RAB31: variants seen among roughly 807,000 people sequenced by gnomAD.
RAB31 encodes ras-related protein Rab-31.
RAB31 carries 21 observed loss-of-function variants against 25.6 expected under a neutral mutation model. The observed-to-expected ratio is 0.82, with a 90% CI of 0.58 to 1.18. RAB31 has a LOEUF of 1.18. Among genes scored for constraint, RAB31 ranks in the 50% most tolerant of loss-of-function variants. RAB31 has a pLI of 0.00. For synonymous variants in RAB31, 87 were observed against 84.0 expected, an observed-to-expected ratio of 1.04 and a Z score of -0.20; for missense variants, 196 against 250.1, an observed-to-expected ratio of 0.78 and a Z score of 1.46.
At chr18:9,738,293 A>G (rs531816118) in intron 1 of RAB31, among the ~76,000 whole-genome samples, 1 of 152,208 alleles carries the variant, frequency 6.6e-6, no homozygotes, top group South Asian at 2.1e-4. Flanking sequence ...CTCATGATGG[A>G]CTGATAGCTG....
intron 3 of RAB31, among the ~76,000 whole-genome samples, chr18:9,811,528 C>T (rs1218618076): frequency 6.6e-6 from 1 of 152,196 alleles, no homozygotes; most frequent in Non-Finnish European, 1.5e-5. Context: ...CTCCTTCCTC[C>T]CTGCTCTCTC....
chr18:9,814,909 T>G, intron 4 of RAB31: 1 of 397,310 alleles, frequency 2.5e-6, no homozygotes, highest in Non-Finnish European at 4.6e-6. Flanking sequence ...CTAGATCAAG[T>G]TTTAATTTTA....
At position 9,739,897 on chromosome 18, in the gene RAB31, G is replaced by A. The variant is rs145722420; in HGVS notation, c.39+31453G>A. Among the ~76,000 whole-genome samples, 717 of 152,366 alleles carry A rather than the reference G, an allele frequency of 4.7e-3. 6 individuals carry two copies. Among genetic ancestry groups the A allele is most frequent in the African/African-American group, 0.016 (684 of 41,586 alleles). On this transcript the variant is annotated intron_variant, in intron 1 of 6. Coordinates refer to ENST00000578921, the MANE Select transcript of RAB31 (RefSeq NM_006868.4). The stretch of plus-strand genomic sequence containing the variant: ...GGTTCTTTTTCTAATAGTTGAAAGG[G>A]AGAGTGAGTATCACAGAGCCCCAGC...
At chr18:9,828,179 G>A (rs9961505) in intron 5 of RAB31, among the ~76,000 whole-genome samples, 92,382 of 151,936 alleles carry the variant, frequency 0.61, 28,624 homozygotes, top group Non-Finnish European at 0.66. Context: ...TCTACCCTGC[G>A]CCTGCCCTGG....
intron 1 of RAB31, among the ~76,000 whole-genome samples, chr18:9,762,097 C>T (rs1329843480): frequency 6.6e-6 from 1 of 152,194 alleles, no homozygotes; most frequent in Non-Finnish European, 1.5e-5. Flanking sequence ...TATGAGCCAC[C>T]ATGCCCGGCC....
intron 1 of RAB31, among the ~76,000 whole-genome samples, chr18:9,764,320 A>T (rs1206157956): frequency 6.6e-6 from 1 of 152,190 alleles, no homozygotes; most frequent in Non-Finnish European, 1.5e-5. Flanking sequence ...CTGTCCTTGC[A>T]TACTGCTGAC....
chr18:9,834,000 C>T (rs917539994), intron 5 of RAB31, among the ~76,000 whole-genome samples: 2 of 152,098 alleles, frequency 1.3e-5, no homozygotes, highest in Non-Finnish European at 2.9e-5. Flanking sequence ...GAGATATGAC[C>T]GTCTGGAATA....
intron 3 of RAB31, among the ~76,000 whole-genome samples, chr18:9,800,134 C>T (rs2068506536): frequency 6.6e-6 from 1 of 152,186 alleles, no homozygotes; most frequent in African/African-American, 2.4e-5. Flanking sequence ...CTAGAGTCAA[C>T]ACATAGAGTG....
At chr18:9,835,009 CTGAG>C (rs2068696978) in intron 5 of RAB31, among the ~76,000 whole-genome samples, 1 of 152,170 alleles carries the variant, frequency 6.6e-6, no homozygotes, top group African/African-American at 2.4e-5. Flanking sequence ...CCAACCCTAA[CTGAG>C]TGCCTACTGT....
chr18:9,829,704 T>A (rs1277868885), intron 5 of RAB31, among the ~76,000 whole-genome samples: 1 of 152,218 alleles, frequency 6.6e-6, no homozygotes, highest in Non-Finnish European at 1.5e-5. Context: ...AGAATTGTGA[T>A]CCTTCAGGGC....
At chr18:9,848,616 C>T (rs688248) in intron 6 of RAB31, among the ~76,000 whole-genome samples, 105,220 of 152,100 alleles carry the variant, frequency 0.69, 36,436 homozygotes, top group East Asian at 0.8. Context: ...TTCCTACTTA[C>T]ATTACATGTG....
intron 1 of RAB31, among the ~76,000 whole-genome samples, chr18:9,743,900 C>T (rs979308883): frequency 6.6e-6 from 1 of 152,230 alleles, no homozygotes; most frequent in South Asian, 2.1e-4. Context: ...GGGCAGCTGA[C>T]TCACTTCACT....
intron 1 of RAB31, among the ~76,000 whole-genome samples, chr18:9,718,505 T>A (rs1173706312): frequency 6.6e-6 from 1 of 152,190 alleles, no homozygotes; most frequent in Non-Finnish European, 1.5e-5. Context: ...GTGACCCACC[T>A]GCCTCGGCCT....
chr18:9,820,040 G>T (rs1352003338), intron 5 of RAB31, among the ~76,000 whole-genome samples: 1 of 151,948 alleles, frequency 6.6e-6, no homozygotes, highest in Non-Finnish European at 1.5e-5. Context: ...CAATATGGGT[G>T]CCTTTTAGTT....
At chr18:9,715,560 C>T (rs552670787) in intron 1 of RAB31, among the ~76,000 whole-genome samples, 9 of 141,764 alleles carry the variant, frequency 6.3e-5, no homozygotes, top group East Asian at 4.1e-4. Flanking sequence ...CATGGAGTCT[C>T]GCTCTGTCAA....
At chr18:9,836,484 T>C (rs145152971) in intron 5 of RAB31, among the ~76,000 whole-genome samples, 192 of 152,310 alleles carry the variant, frequency 1.3e-3, no homozygotes, top group Non-Finnish European at 2.0e-3. Flanking sequence ...TCCAAACTAC[T>C]GGCTTCATAG....
At chr18:9,776,650 A>T (rs1388276161) in intron 2 of RAB31, among the ~76,000 whole-genome samples, 1 of 152,230 alleles carries the variant, frequency 6.6e-6, no homozygotes, top group South Asian at 2.1e-4. Context: ...CTGGCAGAAG[A>T]CAGAAGACCC....
At chr18:9,802,126 G>A (rs896137000) in intron 3 of RAB31, among the ~76,000 whole-genome samples, 5 of 152,098 alleles carry the variant, frequency 3.3e-5, no homozygotes, top group Admixed American at 6.5e-5. Context: ...CTCCAACTTC[G>A]TTCTTTTTCA....
At chr18:9,775,499 G>A in intron 2 of RAB31, 142 bp downstream of exon 2, 3 of 1,440,340 alleles carry the variant, frequency 2.1e-6, no homozygotes, top group Non-Finnish European at 2.8e-6. Flanking sequence ...TAGACCGACA[G>A]AAATTCAGGG....
Sources: allele counts gnomAD v4.1 joint callset (sites outside exome capture counted in the v4.1 genomes callset), GRCh38; gene constraint gnomAD v4.1.1; transcripts MANE v1.5; gene names NCBI Gene and HGNC (gene_info 2026-07-23, HGNC 2026-07-21).